CNTN3: variants seen among roughly 807,000 people sequenced by gnomAD.
CNTN3 encodes contactin 3.
In CNTN3, 60 loss-of-function variants were observed where a neutral mutation model predicts 119.1. The ratio of observed to expected loss-of-function variants is 0.50; its 90% CI spans 0.41 to 0.62. CNTN3 has a LOEUF of 0.62. Among genes scored for constraint, CNTN3 ranks in the 20% least tolerant of loss-of-function variants. The pLI, the probability that CNTN3 is intolerant of heterozygous loss-of-function variation, is 0.00. For synonymous variants in CNTN3, 450 were observed against 438.7 expected (o/e 1.03, Z -0.32); for missense variants, 1,101 against 1,242.4 (o/e 0.89, Z 1.71).
chr3:74,500,686 T>C (rs1703152019), intron 2 of CNTN3, among the ~76,000 whole-genome samples: 1 of 151,898 alleles, frequency 6.6e-6, no homozygotes, highest in Non-Finnish European at 1.5e-5. Flanking sequence ...AACAATGAAC[T>C]GGCATTTTGG....
At chr3:74,489,901 T>C (rs76542269) in intron 3 of CNTN3, among the ~76,000 whole-genome samples, 4,212 of 152,220 alleles carry the variant, frequency 0.028, 159 homozygotes, top group East Asian at 0.19. Flanking sequence ...AGGGAAGGCA[T>C]TCAACAAACG....
intron 11 of CNTN3, among the ~76,000 whole-genome samples, chr3:74,346,337 A>C (rs567192979): frequency 1.5e-4 from 23 of 152,160 alleles, no homozygotes; most frequent in African/African-American, 5.5e-4. Flanking sequence ...GTTAGAAAAT[A>C]ATCTCTCTTC....
At chr3:74,307,100 T>C (rs1041969979) in intron 13 of CNTN3, among the ~76,000 whole-genome samples, 8 of 152,076 alleles carry the variant, frequency 5.3e-5, no homozygotes, top group African/African-American at 1.9e-4. Flanking sequence ...CTAGGGTACT[T>C]AGGCATGTGC....
intron 1 of CNTN3, among the ~76,000 whole-genome samples, chr3:74,535,550 G>C (rs1703752396): frequency 6.6e-6 from 1 of 152,090 alleles, no homozygotes; most frequent in Admixed American, 6.6e-5. Context: ...TGATAGGCCA[G>C]ATACAAAAGC....
intron 5 of CNTN3, among the ~76,000 whole-genome samples, chr3:74,398,289 C>T (rs891025585): frequency 2.0e-5 from 3 of 152,216 alleles, no homozygotes; most frequent in African/African-American, 7.2e-5. Context: ...CTGCCACAAT[C>T]ACCCCAACCT....
chr3:74,419,039 C>T lies in CNTN3; in HGVS notation c.454+5806G>A, dbSNP rs373225877. ...CTTGAACTCCTGAGTTCAGGCAATC[C>T]ACCCTCCTCGGCCTCCCAAAGTGCT... On this transcript the variant is annotated intron_variant, in intron 5 of 22. Coordinates refer to ENST00000263665, the MANE Select transcript of CNTN3 (RefSeq NM_020872.3). Among the ~76,000 whole-genome samples the T allele has an allele frequency of 4.9e-4, 75 of 151,930 alleles. 1 individual carries two copies. The South Asian group carries it at 0.016, about 32-fold the overall frequency.
chr3:74,369,427 G>C (rs1336959240), intron 7 of CNTN3, 54 bp from the exon 8 acceptor site: 4 of 1,405,506 alleles, frequency 2.8e-6, no homozygotes, highest in Non-Finnish European at 3.8e-6. Flanking sequence ...TTTTCAACTT[G>C]AGAAAATAAA....
chr3:74,432,403 TCACAAA>T (rs1701799271), intron 4 of CNTN3, among the ~76,000 whole-genome samples: 1 of 144,958 alleles, frequency 6.9e-6, no homozygotes, highest in African/African-American at 2.6e-5. Flanking sequence ...AAAAAAAAAA[TCACAAA>T]AAAATCTCAT....
chr3:74,422,674 C>T (rs931312240), intron 5 of CNTN3, among the ~76,000 whole-genome samples: 5 of 152,094 alleles, frequency 3.3e-5, no homozygotes, highest in African/African-American at 9.7e-5. Context: ...ATCACTCAGT[C>T]GGAATTTTAA....
Position 74,336,605 on chromosome 3 carries a change from T to C in CNTN3, c.1418A>G (p.Asp473Gly). 6.2e-7 allele frequency: 1 copy of C among 1,612,396 alleles called. No homozygotes were observed. The highest frequency in any genetic ancestry group is 2.2e-5 in the East Asian group (1 of 44,856). The change falls in exon 12 of 23, where the codon GAT becomes GGT. Residue 473 changes from aspartate to glycine, a missense_variant. Asp to Gly is a moderately conservative substitution (Grantham distance 94). Coordinates refer to ENST00000263665, the MANE Select transcript of CNTN3 (RefSeq NM_020872.3). ...TGCCATGCAGGTGTAAGTTCCAGCA[T>C]CAGCTTTAGTCACATTGGCTATTTT... ...GLKIANVTKA[D>G]AGTYTCMAEN...
intron 1 of CNTN3, among the ~76,000 whole-genome samples, chr3:74,588,139 GA>G: frequency 6.6e-6 from 1 of 152,192 alleles, no homozygotes; most frequent in Non-Finnish European, 1.5e-5. Flanking sequence ...AAGCCCACTT[GA>G]CCATGGTGGA....
intron 5 of CNTN3, among the ~76,000 whole-genome samples, chr3:74,383,392 G>C (rs1162400771): frequency 6.6e-6 from 1 of 152,166 alleles, no homozygotes; most frequent in Non-Finnish European, 1.5e-5. Flanking sequence ...GAATGAATGA[G>C]AGGCATCCTG....
At chr3:74,444,479 C>T (rs945050445) in intron 4 of CNTN3, among the ~76,000 whole-genome samples, 11 of 152,062 alleles carry the variant, frequency 7.2e-5, no homozygotes, top group Admixed American at 4.6e-4. Flanking sequence ...AAAGGCTTTC[C>T]GTATTTCTTC....
chr3:74,602,454 A>C (rs1704927238), intron 1 of CNTN3, among the ~76,000 whole-genome samples: 1 of 152,044 alleles, frequency 6.6e-6, no homozygotes, highest in African/African-American at 2.4e-5. Flanking sequence ...TTATTGTGGT[A>C]ACAGCTAATT....
At chr3:74,329,553 T>C (rs1703211294) in intron 13 of CNTN3, among the ~76,000 whole-genome samples, 2 of 152,198 alleles carry the variant, frequency 1.3e-5, no homozygotes, top group South Asian at 4.1e-4. Context: ...ATATAATGCA[T>C]GTAAGTCCAA....
chr3:74,575,669 T>C (rs1207242108), intron 1 of CNTN3, among the ~76,000 whole-genome samples: 1 of 140,318 alleles, frequency 7.1e-6, no homozygotes, highest in Non-Finnish European at 1.6e-5. Context: ...CCAGGGCTTT[T>C]ATAGTCCTTT....
intron 5 of CNTN3, among the ~76,000 whole-genome samples, chr3:74,420,687 CTG>C (rs1243116425): frequency 6.6e-6 from 1 of 152,164 alleles, no homozygotes; most frequent in Non-Finnish European, 1.5e-5. Flanking sequence ...GCTGAGGACT[CTG>C]TGACTTCTCA....
At chr3:74,491,590 A>C (rs1020129769) in intron 3 of CNTN3, among the ~76,000 whole-genome samples, 3 of 152,138 alleles carry the variant, frequency 2.0e-5, no homozygotes, top group African/African-American at 7.2e-5. Context: ...GTGTCCAATA[A>C]ATCTTCAAAT....
chr3:74,352,607 T>C (rs113011433), intron 11 of CNTN3, among the ~76,000 whole-genome samples: 1 of 152,324 alleles, frequency 6.6e-6, no homozygotes, highest in African/African-American at 2.4e-5. Flanking sequence ...CTCCTTGATG[T>C]CTCTTATTCA....
Sources: allele counts gnomAD v4.1 joint callset (sites outside exome capture counted in the v4.1 genomes callset), GRCh38; gene constraint gnomAD v4.1.1; transcripts MANE v1.5; gene names NCBI Gene and HGNC (gene_info 2026-07-23, HGNC 2026-07-21).